Variants in DRGX observed in about 807,000 individuals in gnomAD.
DRGX encodes the protein dorsal root ganglia homeobox.
Under a neutral mutation model 28.6 loss-of-function variants are expected in DRGX, and 21 were observed. That is an observed-to-expected ratio of 0.73 (90% confidence interval 0.52 to 1.06). DRGX has a LOEUF of 1.06. DRGX is among the 50% of genes least tolerant of loss of function. The probability of loss-of-function intolerance (pLI) is 0.00; values close to 1 mark genes in which losing one functional copy is unlikely to be tolerated. For missense variants in DRGX, 354 were observed against 343.9 expected, an observed-to-expected ratio of 1.03 and a Z score of -0.23; for synonymous variants, 136 against 139.1, an observed-to-expected ratio of 0.98 and a Z score of 0.16.
At chr10:49,387,866 A>G (rs1278820515) in intron 4 of DRGX, among the ~76,000 whole-genome samples, 1 of 152,198 alleles carries the variant, frequency 6.6e-6, no homozygotes, top group Non-Finnish European at 1.5e-5. Context: ...AAGGCTATCC[A>G]GGTGGTAAAT....
chr10:49,374,069 AT>A (rs1016781978), intron 6 of DRGX, among the ~76,000 whole-genome samples: 6 of 151,984 alleles, frequency 3.9e-5, no homozygotes, highest in African/African-American at 1.5e-4. Context: ...GAGGCTATGA[AT>A]TTTTTTTATT....
intron 2 of DRGX, among the ~76,000 whole-genome samples, chr10:49,392,169 C>A (rs1035476856): frequency 6.6e-6 from 1 of 152,202 alleles, no homozygotes; most frequent in Non-Finnish European, 1.5e-5. Context: ...GAGCAAGTTG[C>A]CATTAACCAG....
chr10:49,378,952 C>CTATA (rs1416023652), intron 6 of DRGX, among the ~76,000 whole-genome samples: 2 of 152,080 alleles, frequency 1.3e-5, no homozygotes, highest in East Asian at 3.8e-4. Flanking sequence ...AAAGTCAAGA[C>CTATA]TATAGATTGA....
chr10:49,389,829 T>C (rs1222418513), intron 4 of DRGX, among the ~76,000 whole-genome samples: 2 of 151,740 alleles, frequency 1.3e-5, no homozygotes, highest in Non-Finnish European at 2.9e-5. Flanking sequence ...AGCTCTTTTC[T>C]TTCTTTCTTT....
At chr10:49,388,683 C>T (rs1315067481) in intron 4 of DRGX, among the ~76,000 whole-genome samples, 1 of 152,336 alleles carries the variant, frequency 6.6e-6, no homozygotes, top group Non-Finnish European at 1.5e-5. Context: ...AGTTCGCCTG[C>T]TTCTGAGGAA....
At position 49,364,572 on chromosome 10, in the gene DRGX, C is replaced by T. The variant is rs1285357047; in HGVS notation, c.*1544G>A. The T allele has an allele frequency of 1.3e-5, 2 of 152,140 alleles. No individual in the cohort carries two copies. Among genetic ancestry groups the T allele is most frequent in the Admixed American group, 6.5e-5 (1 of 15,282 alleles). The allele number at this position is 152,140 out of a possible 1,614,324, so 9.4% of individuals were successfully genotyped here. On this transcript the variant is annotated 3_prime_UTR_variant, in exon 7 of 7. Coordinates refer to ENST00000374139, the MANE Select transcript of DRGX (RefSeq NM_001276451.2). ...AGCTTACATCCTTCAACCAAACATT[C>T]GTAATTACAGGGAAACGGAAGCAAC...
chr10:49,375,903 G>A (rs1849711673), intron 6 of DRGX, among the ~76,000 whole-genome samples: 1 of 152,060 alleles, frequency 6.6e-6, no homozygotes, highest in African/African-American at 2.4e-5. Flanking sequence ...GCTGCCTCTG[G>A]CACCAGCCAG....
chr10:49,396,002 CG>C lies in DRGX; in HGVS notation c.-150del. 1 of 152,108 alleles carries C rather than the reference CG, an allele frequency of 6.6e-6. No homozygotes were observed. The highest frequency in any genetic ancestry group is 2.0e-4 in the East Asian group (1 of 5,080). The allele number at this position is 152,108 out of a possible 1,614,324, so 9.4% of individuals were successfully genotyped here. Reference sequence around the variant, plus strand: ...CGATCCGCAAGCCCTGCTCGGCTGGCGGCGGGCGGGGCTCGGCGCGGCTGGC... The same window carrying C: ...CGATCCGCAAGCCCTGCTCGGCTGGCGCGGGCGGGGCTCGGCGCGGCTGGC... On this transcript the variant is annotated 5_prime_UTR_variant, in exon 1 of 7. Coordinates refer to ENST00000374139, the MANE Select transcript of DRGX (RefSeq NM_001276451.2).
intron 6 of DRGX, among the ~76,000 whole-genome samples, chr10:49,378,643 C>G (rs1245886049): frequency 6.6e-6 from 1 of 152,146 alleles, no homozygotes; most frequent in Non-Finnish European, 1.5e-5. Context: ...CAATACTGTA[C>G]TAGAGGTTCT....
chr10:49,373,571 G>C (rs1849682880), intron 6 of DRGX, among the ~76,000 whole-genome samples: 1 of 152,110 alleles, frequency 6.6e-6, no homozygotes, highest in Non-Finnish European at 1.5e-5. Flanking sequence ...CCTTACGTAA[G>C]AGACCCCAGA....
At chr10:49,381,812 C>T (rs546060363) in intron 6 of DRGX, among the ~76,000 whole-genome samples, 3 of 152,210 alleles carry the variant, frequency 2.0e-5, no homozygotes, top group Admixed American at 6.5e-5. Flanking sequence ...TGGGCCCGAA[C>T]CTCCGTGGCC....
At chr10:49,394,086 T>C (rs1263109765) in intron 2 of DRGX, among the ~76,000 whole-genome samples, 9 of 152,212 alleles carry the variant, frequency 5.9e-5, no homozygotes, top group Admixed American at 5.9e-4. Flanking sequence ...TAGGGTACAC[T>C]GTCAGGGGAT....
intron 6 of DRGX, among the ~76,000 whole-genome samples, chr10:49,375,069 C>A (rs7088781): frequency 6.6e-6 from 1 of 152,150 alleles, no homozygotes; most frequent in Admixed American, 6.5e-5. Flanking sequence ...TTTAAGCATA[C>A]TTTTAGCTGC....
intron 6 of DRGX, among the ~76,000 whole-genome samples, chr10:49,378,843 A>G (rs767045322): frequency 3.9e-5 from 6 of 152,220 alleles, no homozygotes; most frequent in Non-Finnish European, 7.3e-5. Context: ...TACATACTGT[A>G]AGACTCCATG....
chr10:49,372,682 G>A (rs954473003), intron 6 of DRGX, among the ~76,000 whole-genome samples: 2 of 152,172 alleles, frequency 1.3e-5, no homozygotes, highest in Admixed American at 1.3e-4. Flanking sequence ...TGATGGACAC[G>A]AGACCTGCAA....
chr10:49,373,626 A>G (rs949260245), intron 6 of DRGX, among the ~76,000 whole-genome samples: 2 of 152,206 alleles, frequency 1.3e-5, no homozygotes, highest in Admixed American at 6.5e-5. Context: ...GGACACAGCA[A>G]CAAGATACCA....
Position 49,386,830 on chromosome 10 carries a change from CA to C in DRGX, c.262del (p.Trp88GlyfsTer22). 6.3e-7 allele frequency: 1 copy of C among 1,579,890 alleles called. No individual in the cohort carries two copies. The highest frequency in any genetic ancestry group is 1.2e-5 in the South Asian group (1 of 84,620). ...QVWFQNRRAK[W>X]RKTERGASDQ... ...TGAGGCCCCTCTCTCTGTCTTCCTC[CA>C]TTTGGCCCTTCTGTTCTGGAACCAA... On this transcript the variant is annotated frameshift_variant, in exon 5 of 7. Coordinates refer to ENST00000374139, the MANE Select transcript of DRGX (RefSeq NM_001276451.2). LOFTEE classifies it high-confidence loss of function.
At chr10:49,382,297 C>G (rs1296971967) in intron 6 of DRGX, among the ~76,000 whole-genome samples, 7 of 152,176 alleles carry the variant, frequency 4.6e-5, no homozygotes, top group Non-Finnish European at 8.8e-5. Flanking sequence ...CAAGCGACTT[C>G]CCCTCCCCAA....
At chr10:49,395,800 C>T (rs1172056312) in intron 1 of DRGX, 135 bp downstream of exon 1, 2 of 336,820 alleles carry the variant, frequency 5.9e-6, no homozygotes, top group Non-Finnish European at 1.1e-5. Context: ...GCCAGAAGCC[C>T]TGCACCCGGG....
Sources: gnomAD v4.1 joint callset for allele counts (sites outside exome capture counted in the v4.1 genomes callset) on GRCh38, gnomAD v4.1.1 for gene constraint, MANE v1.5 for transcripts, NCBI Gene and HGNC (gene_info 2026-07-23, HGNC 2026-07-21) for gene names.